The following DAO variants were observed in gnomAD, a reference collection of about 807,000 sequenced individuals.
The protein encoded by DAO is D-amino acid oxidase.
DAO carries 51 observed loss-of-function variants against 50.1 expected under a neutral mutation model. That is an observed-to-expected ratio of 1.02 (90% CI 0.81 to 1.29). The LOEUF (loss-of-function observed/expected upper bound fraction) is 1.29. Ranked by LOEUF, DAO falls within the 50% of genes most tolerant of loss-of-function variation. The pLI is 0.00. For missense variants in DAO, 436 were observed against 439.4 expected (o/e 0.99, Z 0.07); for synonymous variants, 160 against 166.2 (o/e 0.96, Z 0.29).
chr12:108,899,209 G>T (rs1179125962), intron 9 of DAO, among the ~76,000 whole-genome samples, 168 bp from the exon 10 acceptor site: 3 of 152,160 alleles, frequency 2.0e-5, no homozygotes, highest in Non-Finnish European at 4.4e-5. Flanking sequence ...TGGTAATGAT[G>T]TTGGTAGCTG....
In DAO at chr12:108,895,888, T is replaced by C. The variant is rs547137547; in HGVS notation, c.613-1118T>C. Reference sequence around the variant, plus strand: ...TGGGCTGATGGGTGTAACAACCAAATGAGTGACTGAAGCATAAGTCTCAAA... The same window carrying C: ...TGGGCTGATGGGTGTAACAACCAAACGAGTGACTGAAGCATAAGTCTCAAA... On this transcript the variant is annotated intron_variant, in intron 7 of 10. Coordinates refer to ENST00000228476, the MANE Select transcript of DAO (RefSeq NM_001917.5). Among the ~76,000 whole-genome samples the C allele has an allele frequency of 7.9e-5, 12 of 151,934 alleles. No homozygotes were observed. The South Asian group carries it at 2.3e-3, about 29-fold the overall frequency.
chr12:108,896,021 T>C (rs1363880130), intron 7 of DAO, among the ~76,000 whole-genome samples: 2 of 139,774 alleles, frequency 1.4e-5, no homozygotes, highest in Non-Finnish European at 3.0e-5. Flanking sequence ...ATTTAGTCTT[T>C]ATACATTTTC....
At chr12:108,883,839 T>C (rs1437862424) in intron 1 of DAO, 1 of 308,576 alleles carries the variant, frequency 3.2e-6, no homozygotes, top group Non-Finnish European at 6.6e-6. Context: ...AGAGTCCAGT[T>C]CTTGTGGGCT....
intron 2 of DAO, among the ~76,000 whole-genome samples, chr12:108,886,942 G>A (rs1434343659): frequency 1.3e-5 from 2 of 152,186 alleles, no homozygotes; most frequent in Non-Finnish European, 2.9e-5. Context: ...AGGACCACAC[G>A]TGCAGAGTCT....
intron 2 of DAO, among the ~76,000 whole-genome samples, chr12:108,885,678 C>T (rs2039429513): frequency 6.6e-6 from 1 of 152,164 alleles, no homozygotes; most frequent in Admixed American, 6.5e-5. Context: ...GGCTTTGTCT[C>T]GTCTTCCCTA....
intron 7 of DAO, among the ~76,000 whole-genome samples, chr12:108,894,776 T>C (rs969762373): frequency 2.0e-5 from 3 of 152,104 alleles, no homozygotes; most frequent in Admixed American, 6.6e-5. Context: ...CAGGTTAGAG[T>C]GCAGTATCTT....
At chr12:108,885,741 G>C (rs144378052) in intron 2 of DAO, among the ~76,000 whole-genome samples, 195 of 152,220 alleles carry the variant, frequency 1.3e-3, no homozygotes, top group African/African-American at 4.5e-3. Context: ...AACTTCCTCT[G>C]TTTTAATTTA....
chr12:108,894,283 C>CGTGATT lies in DAO; in HGVS notation c.531_536dup (p.Ile178_Val179dup). On this transcript the variant is annotated inframe_insertion, in exon 7 of 11. Transcript: ENST00000228476. ...ACCAGGTGGCAAGAGAAGGCGCAGA[C>CGTGATT]GTGATTGTCAACTGCACTGGGGTAT... The CGTGATT allele has an allele frequency of 6.2e-7, 1 of 1,613,928 alleles. No individual in the cohort carries two copies. Among genetic ancestry groups the CGTGATT allele is most frequent in the Non-Finnish European group, 8.5e-7 (1 of 1,179,952 alleles).
At chr12:108,890,295 T>C in intron 5 of DAO, 22 bp downstream of exon 5, 1 of 1,599,534 alleles carries the variant, frequency 6.3e-7, no homozygotes. Flanking sequence ...AGCTTCACTT[T>C]GAGGGAGGTA....
rs1873686473 is a variant in DAO at position 108,890,222 on chromosome 12, A to G, written c.401A>G (p.His134Arg). The G allele has an allele frequency of 2.5e-6, 4 of 1,613,240 alleles. No homozygotes were observed. The highest frequency in any genetic ancestry group is 1.7e-5 in the Admixed American group (1 of 59,990). ...TGTGACTCTAGCTATGGCTGGTTCC[A>G]CACAAGCCTAATTCTGGAGGGAAAG... is the stretch of plus-strand genomic sequence containing the variant. ...MFPDYGYGWF[H>R]TSLILEGKNY... Residue 134 changes from histidine to arginine, a missense_variant, in exon 5 of 11, where the codon CAC becomes CGC. Transcript: ENST00000228476.
chr12:108,885,505 G>T (rs1189569180), intron 2 of DAO, among the ~76,000 whole-genome samples: 1 of 152,096 alleles, frequency 6.6e-6, no homozygotes, highest in Non-Finnish European at 1.5e-5. Flanking sequence ...AGCTACTCGG[G>T]AGGCTGAGGC....
chr12:108,900,984 T>G lies in DAO; in HGVS notation c.*449T>G, dbSNP rs558917768. The G allele has an allele frequency of 4.6e-6, 1 of 215,880 alleles. No individual in the cohort carries two copies. The highest frequency in any genetic ancestry group is 2.3e-5 in the African/African-American group (1 of 42,866). 13.4% of individuals were successfully genotyped at this position (215,880 alleles called of 1,614,324 possible). ...TGCTAAACCTATCTGGCTATGGAAC[T>G]CTTTTGCCCAGAGCACCCATGAATG... On this transcript the variant is annotated 3_prime_UTR_variant, in exon 11 of 11. Coordinates refer to ENST00000228476, the MANE Select transcript of DAO (RefSeq NM_001917.5).
At chr12:108,893,091 G>C (rs2039509872) in intron 6 of DAO, 55 bp downstream of exon 6, 1 of 1,506,750 alleles carries the variant, frequency 6.6e-7, no homozygotes, top group Non-Finnish European at 9.2e-7. Flanking sequence ...GGAGGCCTCT[G>C]CTTCTTGCTG....
chr12:108,887,379 A>G (rs1384708862), intron 2 of DAO, 71 bp from the exon 3 acceptor site: 50 of 1,106,894 alleles, frequency 4.5e-5, no homozygotes, highest in Non-Finnish European at 6.7e-5. Flanking sequence ...CCACAGCCCC[A>G]TGCCAGCTGA....
intron 8 of DAO, chr12:108,898,394 G>T: frequency 2.3e-6 from 1 of 435,476 alleles, no homozygotes; most frequent in Non-Finnish European, 4.3e-6. Context: ...TCGTGGAGAT[G>T]ACAATATCAA....
chr12:108,894,712 A>T (rs1291994260), intron 7 of DAO, among the ~76,000 whole-genome samples: 1 of 151,916 alleles, frequency 6.6e-6, no homozygotes, highest in African/African-American at 2.4e-5. Context: ...TAATTGTGTT[A>T]TTATTATTAT....
intron 7 of DAO, among the ~76,000 whole-genome samples, chr12:108,895,843 G>A (rs1359851431): frequency 1.3e-5 from 2 of 151,830 alleles, no homozygotes; most frequent in Non-Finnish European, 2.9e-5. Context: ...GTGTAGGGGT[G>A]CGTGTGTGTG....
At chr12:108,899,653 A>G in intron 10 of DAO, 178 bp downstream of exon 10, 1 of 673,668 alleles carries the variant, frequency 1.5e-6, no homozygotes, top group South Asian at 1.6e-5. Flanking sequence ...ATGATGGTTA[A>G]GGACCTGCTC....
intron 2 of DAO, 94 bp from the exon 3 acceptor site, chr12:108,887,356 G>A: frequency 1.1e-6 from 1 of 894,748 alleles, no homozygotes; most frequent in Non-Finnish European, 1.9e-6. Context: ...CACACCCCAA[G>A]CTCCTGATCA....
Sources: gnomAD v4.1 joint callset for allele counts (sites outside exome capture counted in the v4.1 genomes callset) on GRCh38, gnomAD v4.1.1 for gene constraint, MANE v1.5 for transcripts, NCBI Gene and HGNC (gene_info 2026-07-23, HGNC 2026-07-21) for gene names.